The following RNF121 variants were observed in gnomAD, a reference collection of about 807,000 sequenced individuals.
RNF121 encodes the protein E3 ubiquitin ligase RNF121.
RNF121 carries 21 observed loss-of-function variants against 46.5 expected under a neutral mutation model. The ratio of observed to expected loss-of-function variants is 0.45; its 90% CI spans 0.32 to 0.65. The LOEUF (loss-of-function observed/expected upper bound fraction) is 0.65, where lower values mean the gene tolerates loss of function less well. Ranked by LOEUF, RNF121 falls within the 30% of genes least tolerant of loss-of-function variation. The pLI is 0.04. For synonymous variants in RNF121, 139 were observed against 144.7 expected (o/e 0.96, Z 0.28); for missense variants, 346 against 416.0 (o/e 0.83, Z 1.46).
At chr11:71,972,805 A>T (rs1428271800) in intron 3 of RNF121, among the ~76,000 whole-genome samples, 2 of 152,146 alleles carry the variant, frequency 1.3e-5, no homozygotes, top group Admixed American at 6.5e-5. Context: ...TATGAGACTG[A>T]TGATGAGCAG....
rs549713399 is a variant in RNF121, at chr11:71,996,063, A to G, written c.864-132A>G. 1.6e-4 allele frequency: 184 copies of G among 1,150,492 alleles called. 2 individuals are homozygous for G. The South Asian group carries it at 2.0e-3, about 13-fold the overall frequency. The allele number at this position is 1,150,492 out of a possible 1,614,324, so 71.3% of individuals were successfully genotyped here. On this transcript the variant is annotated intron_variant, in intron 8 of 8. Coordinates refer to ENST00000361756, the MANE Select transcript of RNF121 (RefSeq NM_018320.5). ...GTAGGAAGTGAGGCTGGGCCCTTCC[A>G]GAAAGCAGCCTCCATTCCTCTAGGC...
intron 3 of RNF121, among the ~76,000 whole-genome samples, chr11:71,967,133 A>C (rs868384315): frequency 6.8e-6 from 1 of 147,836 alleles, no homozygotes; most frequent in African/African-American, 2.5e-5. Flanking sequence ...GGCCTCCCAA[A>C]GTGCTGGGAT....
At chr11:71,930,983 C>T (rs575673011) in intron 1 of RNF121, among the ~76,000 whole-genome samples, 4 of 152,212 alleles carry the variant, frequency 2.6e-5, no homozygotes, top group African/African-American at 9.6e-5. Context: ...CAGGCATGCA[C>T]CACCACGCCC....
intron 3 of RNF121, among the ~76,000 whole-genome samples, chr11:71,976,398 C>T (rs1222575839): frequency 7.4e-5 from 10 of 134,740 alleles, no homozygotes; most frequent in African/African-American, 1.7e-4. Context: ...CTGTGTCGCC[C>T]GGGCTGGAGT....
intron 6 of RNF121, among the ~76,000 whole-genome samples, 197 bp from the exon 7 acceptor site, chr11:71,994,522 A>G (rs996842621): frequency 2.0e-5 from 3 of 151,988 alleles, no homozygotes; most frequent in African/African-American, 4.8e-5. Flanking sequence ...CCATCTGCCC[A>G]GCAAAGATGA....
rs1408751810 is a variant in RNF121 at position 71,982,399 on chromosome 11, G to A, written c.244-362G>A. 2.7e-5 allele frequency among the ~76,000 whole-genome samples: 4 copies of A among 148,648 alleles called. No individual in the cohort carries two copies. In the East Asian group the frequency reaches 7.9e-4, roughly 29 times the overall value. The stretch of plus-strand genomic sequence containing the variant: ...TTTGACTGTTTAAGGGTTTTAAGCA[G>A]AGAAATGACATGGTGAAGATTTCGT... On this transcript the variant is annotated intron_variant, in intron 3 of 8. Coordinates refer to ENST00000361756, the MANE Select transcript of RNF121 (RefSeq NM_018320.5).
At chr11:71,937,507 C>G (rs1953447675) in intron 1 of RNF121, among the ~76,000 whole-genome samples, 1 of 152,054 alleles carries the variant, frequency 6.6e-6, no homozygotes, top group Non-Finnish European at 1.5e-5. Context: ...AATCTTAAAT[C>G]TAGTCCATCT....
intron 8 of RNF121, 84 bp from the exon 9 acceptor site, chr11:71,996,111 G>A (rs1954970351): frequency 6.6e-7 from 1 of 1,526,506 alleles, no homozygotes; most frequent in Non-Finnish European, 8.9e-7. Context: ...GGAAAGTGGG[G>A]CAGACCCAGG....
intron 1 of RNF121, among the ~76,000 whole-genome samples, chr11:71,932,994 G>A (rs1327729090): frequency 6.6e-6 from 1 of 152,198 alleles, no homozygotes; most frequent in Non-Finnish European, 1.5e-5. Flanking sequence ...CATGATGACT[G>A]CCTAAGCTCA....
rs1953753655 is a variant in RNF121 at position 71,947,477 on chromosome 11, C to G, written c.64-9750C>G. Among the ~76,000 whole-genome samples, 10 of 88,386 alleles carry G rather than the reference C, an allele frequency of 1.1e-4. No homozygotes were observed. The Admixed American group carries it at 1.2e-3, about 11-fold the overall frequency. 58.0% of individuals were successfully genotyped at this position (88,386 alleles called of 152,430 possible). The stretch of plus-strand genomic sequence containing the variant: ...GCGCTACAACCTGAGTGACAAAGAC[C>G]TGTCTCAAAAAAAAAAAAGGAATTG... On this transcript the variant is annotated intron_variant, in intron 1 of 8. Coordinates refer to ENST00000361756, the MANE Select transcript of RNF121 (RefSeq NM_018320.5).
chr11:71,980,690 G>A (rs1954632607), intron 3 of RNF121, among the ~76,000 whole-genome samples: 2 of 152,116 alleles, frequency 1.3e-5, no homozygotes, highest in Admixed American at 6.6e-5. Context: ...TAAGAGAATG[G>A]TAGCTACAGA....
chr11:71,937,623 C>G (rs1424469831), intron 1 of RNF121, among the ~76,000 whole-genome samples: 1 of 152,182 alleles, frequency 6.6e-6, no homozygotes, highest in African/African-American at 2.4e-5. Flanking sequence ...CTTTGAATGC[C>G]TCTATTGGAG....
At chr11:71,962,872 A>C (rs1042378014) in intron 3 of RNF121, among the ~76,000 whole-genome samples, 2 of 150,706 alleles carry the variant, frequency 1.3e-5, no homozygotes, top group African/African-American at 4.9e-5. Flanking sequence ...TACTTCTTTC[A>C]CTCCGTTTTT....
chr11:71,945,194 C>A (rs911808638), intron 1 of RNF121, among the ~76,000 whole-genome samples: 1 of 151,912 alleles, frequency 6.6e-6, no homozygotes, highest in African/African-American at 2.4e-5. Context: ...TGCTATGTTA[C>A]CCAGCTGGGT....
chr11:71,951,099 C>T (rs1953865724), intron 1 of RNF121, among the ~76,000 whole-genome samples: 1 of 151,788 alleles, frequency 6.6e-6, no homozygotes, highest in Non-Finnish European at 1.5e-5. Context: ...TGGTGCATGC[C>T]TGTAATCTCA....
intron 3 of RNF121, among the ~76,000 whole-genome samples, chr11:71,970,355 G>T (rs1436636500): frequency 1.3e-5 from 2 of 152,100 alleles, no homozygotes; most frequent in African/African-American, 2.4e-5. Flanking sequence ...AATTTTTTGG[G>T]TTTTGAAACC....
intron 1 of RNF121, among the ~76,000 whole-genome samples, chr11:71,954,871 T>A (rs1953956226): frequency 6.6e-6 from 1 of 152,222 alleles, no homozygotes; most frequent in Non-Finnish European, 1.5e-5. Flanking sequence ...AATTTAAGCA[T>A]CTCCAGGTGA....
intron 1 of RNF121, among the ~76,000 whole-genome samples, chr11:71,943,978 G>T (rs1953652792): frequency 6.6e-6 from 1 of 152,150 alleles, no homozygotes; most frequent in Non-Finnish European, 1.5e-5. Flanking sequence ...GGCCTTATAT[G>T]CTGTGCTGAG....
At chr11:71,988,122 G>A (rs1313874487) in intron 5 of RNF121, among the ~76,000 whole-genome samples, 1 of 152,182 alleles carries the variant, frequency 6.6e-6, no homozygotes, top group Non-Finnish European at 1.5e-5. Context: ...CCCAGATAAC[G>A]CTGCTCTGTT....
Sources: gnomAD v4.1 joint callset for allele counts (sites outside exome capture counted in the v4.1 genomes callset) on GRCh38, gnomAD v4.1.1 for gene constraint, MANE v1.5 for transcripts, NCBI Gene and HGNC (gene_info 2026-07-23, HGNC 2026-07-21) for gene names.